TTN: variants seen among roughly 807,000 people sequenced by gnomAD.
TTN encodes titin.
TTN carries 1,525 observed loss-of-function variants against 3,223.0 expected under a neutral mutation model. That is an observed-to-expected ratio of 0.47 (90% CI 0.45 to 0.49). The LOEUF is 0.49. Ranked by LOEUF, TTN falls within the 20% of genes least tolerant of loss-of-function variation. The probability of loss-of-function intolerance (pLI) is 0.00; values close to 1 mark genes in which losing one functional copy is unlikely to be tolerated. For synonymous variants in TTN, 14,094 were observed against 15,161.0 expected, an observed-to-expected ratio of 0.93 and a Z score of 5.17; for missense variants, 40,786 against 43,424.0, an observed-to-expected ratio of 0.94 and a Z score of 5.40.
At chr2:178,803,798 T>G (rs375552135) in intron 2 of TTN, among the ~76,000 whole-genome samples, 1 of 151,936 alleles carries the variant, frequency 6.6e-6, no homozygotes, top group African/African-American at 2.4e-5. Context: ...TACAATATAG[T>G]TCATACACTA....
rs2093145942 is a variant in TTN, at chr2:178,785,953, T to TG, written c.2264dup (p.Glu756ArgfsTer7). ...CTGCTTTAGGGACAACGTGGGGTTC[T>TG]GAGGCTGGACGTTGGGGAGGCTCAG... On this transcript the variant is annotated frameshift_variant, in exon 14 of 363. Transcript: ENST00000589042. LOFTEE classifies it high-confidence loss of function. 6.2e-7 allele frequency: 1 copy of TG among 1,614,026 alleles called. No homozygotes were observed. Among genetic ancestry groups the TG allele is most frequent in the Non-Finnish European group, 8.5e-7 (1 of 1,180,016 alleles).
At chr2:178,529,270 C>A in intron 359 of TTN, 51 bp from the exon 360 acceptor site, 2 of 1,305,458 alleles carry the variant, frequency 1.5e-6, no homozygotes, top group South Asian at 3.4e-5. Flanking sequence ...AGACCCCCAC[C>A]TTTTACTCTT....
rs1388128741 is a variant in TTN at position 178,726,184 on chromosome 2, G to GA, written c.20276-139dup. On this transcript the variant is annotated intron_variant, in intron 69 of 362. Transcript: ENST00000589042. ...GAGTCCAGCACTAACACTCTCATGG[G>GA]ATAACAGCCTCAGAAGCCATTTGCC... The GA allele has an allele frequency of 7.9e-5, 80 of 1,011,300 alleles. No individual in the cohort carries two copies. The Admixed American group carries it at 2.7e-3, about 34-fold the overall frequency. 62.6% of individuals were successfully genotyped at this position (1,011,300 alleles called of 1,614,324 possible).
At position 178,622,733 on chromosome 2, in the gene TTN, G is replaced by A. The variant is rs371376631; in HGVS notation, c.44850C>T (p.Asp14950=). The A allele has an allele frequency of 1.2e-5, 20 of 1,605,576 alleles. 1 individual carries two copies. Among genetic ancestry groups the A allele is most frequent in the South Asian group, 1.1e-4 (10 of 89,372 alleles). The change falls in exon 243 of 363, where the codon GAC becomes GAT. Residue 14950 remains aspartate (D), a synonymous_variant. Coordinates refer to ENST00000589042, the MANE Select transcript of TTN (RefSeq NM_001267550.2). ...CCATTTCTTTTTCTCTAACTTGAAG[G>A]TCGGTGAGTGGTCTTAAGAATTCCA... ...PHVEFLRPLT[D]LQVREKEMAR...
chr2:178,699,953 G>C (rs1222516383), intron 111 of TTN, among the ~76,000 whole-genome samples: 1 of 151,134 alleles, frequency 6.6e-6, no homozygotes, highest in Non-Finnish European at 1.5e-5. Flanking sequence ...CTGACCTCGT[G>C]ATCCGCCCAC....
chr2:178,596,032 C>G lies in TTN; in HGVS notation c.57545-223G>C, dbSNP rs184111632. 7.6e-4 allele frequency among the ~76,000 whole-genome samples: 112 copies of G among 148,338 alleles called. 1 individual carries two copies. Among genetic ancestry groups the G allele is most frequent in the African/African-American group, 2.6e-3 (105 of 39,976 alleles). On this transcript the variant is annotated intron_variant, in intron 294 of 362. Coordinates refer to ENST00000589042, the MANE Select transcript of TTN (RefSeq NM_001267550.2). Reference sequence around the variant, plus strand: ...TGAGATGGGAGTCTCGCTCTGTCACCCAGGCTGGAGTTCAGTGGCACAATC... The same window carrying G: ...TGAGATGGGAGTCTCGCTCTGTCACGCAGGCTGGAGTTCAGTGGCACAATC...
In TTN at chr2:178,777,156, T is replaced by G. The variant is rs754087999; in HGVS notation, c.4807A>C (p.Lys1603Gln). Reference sequence around the variant, plus strand: ...TATTATTTCCATACTTACCTGATTTTGGGATATTTATGAGGCACAATGATG... The same window carrying G: ...TATTATTTCCATACTTACCTGATTTGGGGATATTTATGAGGCACAATGATG... ...SDIIVPHKYP[K>Q]IRIEGTKGEA... is the part of the protein sequence containing the mutation. Residue 1603 changes from lysine (K) to glutamine (Q), a missense_variant, in exon 27 of 363, where the codon AAA (lysine) becomes CAA (glutamine). Coordinates refer to ENST00000589042, the MANE Select transcript of TTN (RefSeq NM_001267550.2). 1.7e-5 allele frequency: 27 copies of G among 1,613,996 alleles called. No individual in the cohort carries two copies. The highest frequency in any genetic ancestry group is 5.0e-5 in the Admixed American group (3 of 60,004).
chr2:178,649,199 A>T (rs1342050024), intron 213 of TTN, 49 bp downstream of exon 213: 3 of 1,328,634 alleles, frequency 2.3e-6, no homozygotes, highest in Non-Finnish European at 2.0e-6. Context: ...TATTATTAAC[A>T]TGCTTAAATA....
At chr2:178,760,785 C>T (rs577816756) in intron 43 of TTN, among the ~76,000 whole-genome samples, 4 of 152,124 alleles carry the variant, frequency 2.6e-5, no homozygotes, top group South Asian at 2.1e-4. Context: ...TTCAATAACA[C>T]GCCAAAAGAC....
rs755302381 is a variant in TTN, at chr2:178,717,970, C to T, written c.25036G>A (p.Ala8346Thr). The change falls in exon 86 of 363, where the codon GCT becomes ACT. Residue 8346 changes from alanine (A) to threonine (T), a missense_variant. Transcript: ENST00000589042. ...TTGATAACAAGCACAGCTGAAGAAG[C>T]GACTGCCCCCACACTGTTGTCTGCC... ...CKADNSVGAV[A>T]SSAVLVIKAR... The T allele has an allele frequency of 8.1e-6, 13 of 1,612,546 alleles. No individual in the cohort carries two copies. The highest frequency in any genetic ancestry group is 1.6e-4 in the Middle Eastern group (1 of 6,074).
intron 341 of TTN, 34 bp from the exon 342 acceptor site, chr2:178,546,536 C>A (rs902923755): frequency 8.8e-6 from 14 of 1,597,880 alleles, no homozygotes; most frequent in South Asian, 1.1e-5. Flanking sequence ...GAATGAATAT[C>A]TGAGAGTTTA....
intron 163 of TTN, among the ~76,000 whole-genome samples, chr2:178,666,351 A>AATGT (rs34190699): frequency 0.29 from 43,530 of 151,696 alleles, 6,915 homozygotes; most frequent in East Asian, 0.58. Flanking sequence ...AATGAAAAAA[A>AATGT]ATGATGCTTG....
chr2:178,805,151 T>A (rs1467172870), intron 1 of TTN, among the ~76,000 whole-genome samples: 2 of 151,900 alleles, frequency 1.3e-5, no homozygotes, highest in Non-Finnish European at 2.9e-5. Context: ...GAGACCAGTT[T>A]GGCTAACATG....
chr2:178,734,821 A>T lies in TTN; in HGVS notation c.15103T>A (p.Ser5035Thr). 6.2e-7 allele frequency: 1 copy of T among 1,613,802 alleles called. No individual in the cohort carries two copies. Among genetic ancestry groups the T allele is most frequent in the Non-Finnish European group, 8.5e-7 (1 of 1,179,762 alleles). ...TCCGTAATATCAAGTATAGCCTCAG[A>T]ATTGACAAAATACATTCGGACTGTG... ...SNTVRMYFVN[S>T]EAILDITDVK... Residue 5035 changes from serine (S) to threonine (T), a missense_variant, in exon 51 of 363, where the codon TCT becomes ACT. Coordinates refer to ENST00000589042, the MANE Select transcript of TTN (RefSeq NM_001267550.2).
intron 168 of TTN, 65 bp downstream of exon 168, chr2:178,664,395 A>G (rs2154259731): frequency 7.8e-7 from 1 of 1,280,866 alleles, no homozygotes; most frequent in Non-Finnish European, 1.1e-6. Context: ...TTTCAAAACT[A>G]GAAAGGTGGT....
At chr2:178,744,478 A>T in intron 47 of TTN, 1 of 851,716 alleles carries the variant, frequency 1.2e-6, no homozygotes, top group Non-Finnish European at 1.4e-6. Flanking sequence ...ATTAAGGAGT[A>T]TGTTAATTTA....
rs1226528286 is a variant in TTN at position 178,547,037 on chromosome 2, T to C, written c.94488A>G (p.Glu31496=). The C allele has an allele frequency of 1.2e-6, 2 of 1,613,224 alleles. No homozygotes were observed. Among genetic ancestry groups the C allele is most frequent in the Non-Finnish European group, 1.7e-6 (2 of 1,179,292 alleles). The change falls in exon 340 of 363, where the codon GAA becomes GAG. Residue 31496 remains glutamate (E), a synonymous_variant. Transcript: ENST00000589042. ...LNAAGVSKAS[E]ASRPIMAQNP... is the part of the protein sequence containing the mutation. ...TTTGAGCCATTATAGGTCTTGAAGC[T>C]TCGCTGGCCTTGCTAACACCTGCAG...
rs1227079160 is a variant in TTN, at chr2:178,574,894, G to A, written c.71238C>T (p.Phe23746=). The change falls in exon 326 of 363, where the codon TTC becomes TTT. Residue 23746 remains phenylalanine (F), a synonymous_variant. Transcript: ENST00000589042. Reference sequence around the variant, plus strand: ...CATCGTTCTCAGGTGGGTCCCAAGAGAAGGTTACAAAATCAGATGAAACTT... The same window carrying A: ...CATCGTTCTCAGGTGGGTCCCAAGAAAAGGTTACAAAATCAGATGAAACTT... The part of the protein sequence containing the change: ...FDEVSSDFVT[F]SWDPPENDGG... 1.2e-6 allele frequency: 2 copies of A among 1,612,790 alleles called. No homozygotes were observed. The highest frequency in any genetic ancestry group is 3.3e-5 in the Admixed American group (2 of 59,920).
In TTN at chr2:178,552,072, A is replaced by G; in HGVS notation, c.90828T>C (p.Cys30276=). ...ETSQTNWKMV[C]SSVARTTFKV... is the part of the protein sequence containing the mutation. ...TGAAAGTCGTTCTGGCAACACTTGA[A>G]CACACCATCTTCCAGTTAGTTTGTG... Residue 30276 remains cysteine (C), a synonymous_variant, in exon 335 of 363, where the codon TGT becomes TGC. Coordinates refer to ENST00000589042, the MANE Select transcript of TTN (RefSeq NM_001267550.2). 6.2e-7 allele frequency: 1 copy of G among 1,613,762 alleles called. No homozygotes were observed. The highest frequency in any genetic ancestry group is 8.5e-7 in the Non-Finnish European group (1 of 1,179,778).
Sources: allele counts gnomAD v4.1 joint callset (sites outside exome capture counted in the v4.1 genomes callset), GRCh38; gene constraint gnomAD v4.1.1; transcripts MANE v1.5; gene names NCBI Gene and HGNC (gene_info 2026-07-23, HGNC 2026-07-21).